The following DPP6 variants were observed in gnomAD, a reference collection of about 807,000 sequenced individuals.
DPP6 encodes the protein dipeptidyl peptidase like 6.
Under a neutral mutation model 122.6 loss-of-function variants are expected in DPP6, and 69 were observed. The ratio of observed to expected loss-of-function variants is 0.56; its 90% CI spans 0.46 to 0.69. The LOEUF is 0.69. Among genes scored for constraint, DPP6 ranks in the 30% least tolerant of loss-of-function variants. The pLI is 0.00. For missense variants in DPP6, 928 were observed against 1,116.9 expected, an observed-to-expected ratio of 0.83 and a Z score of 2.41; for synonymous variants, 418 against 433.1, an observed-to-expected ratio of 0.97 and a Z score of 0.43.
intron 1 of DPP6, among the ~76,000 whole-genome samples, chr7:154,345,873 T>C (rs1425539894): frequency 6.6e-6 from 1 of 152,242 alleles, no homozygotes; most frequent in East Asian, 1.9e-4. Context: ...CAAGCCCTGC[T>C]GCTCCCTCGT....
intron 4 of DPP6, among the ~76,000 whole-genome samples, chr7:154,556,575 TA>T (rs1250001214): frequency 6.6e-6 from 1 of 152,208 alleles, no homozygotes; most frequent in Non-Finnish European, 1.5e-5. Flanking sequence ...TAAATGTTTT[TA>T]AAAGTCTATA....
intron 1 of DPP6, among the ~76,000 whole-genome samples, chr7:154,383,859 C>T (rs942545215): frequency 2.9e-5 from 4 of 136,590 alleles, no homozygotes; most frequent in Non-Finnish European, 4.6e-5. Flanking sequence ...CACTGCACTC[C>T]AGCCTGGGTG....
At chr7:154,737,487 CTG>C (rs368803618) in intron 8 of DPP6, among the ~76,000 whole-genome samples, 11 of 152,244 alleles carry the variant, frequency 7.2e-5, no homozygotes, top group African/African-American at 2.6e-4. Context: ...TATGGTCACA[CTG>C]TTATTTTTTT....
In DPP6 at chr7:154,356,732, C is replaced by T. The variant is rs559851129; in HGVS notation, c.244-89482C>T. On this transcript the variant is annotated intron_variant, in intron 1 of 25. Coordinates refer to ENST00000377770, the MANE Select transcript of DPP6 (RefSeq NM_130797.4). Reference sequence around the variant, plus strand: ...AATAATAATTCCGGAAGTAGATATACACATTTTCCTGCAAATGTTTCTGTA... The same window carrying T: ...AATAATAATTCCGGAAGTAGATATATACATTTTCCTGCAAATGTTTCTGTA... 1.3e-5 allele frequency among the ~76,000 whole-genome samples: 2 copies of T among 152,192 alleles called. 1 individual carries two copies. The highest frequency in any genetic ancestry group is 4.1e-4 in the South Asian group (2 of 4,824).
intron 1 of DPP6, among the ~76,000 whole-genome samples, chr7:154,056,741 T>C (rs1436182875): frequency 6.6e-6 from 1 of 152,244 alleles, no homozygotes; most frequent in Admixed American, 6.5e-5. Context: ...CAACCCATTT[T>C]TTTCCTCCAC....
chr7:154,298,753 G>A (rs922019212), intron 1 of DPP6, among the ~76,000 whole-genome samples: 4 of 152,190 alleles, frequency 2.6e-5, no homozygotes, highest in Non-Finnish European at 5.9e-5. Flanking sequence ...GGCCCCGGCA[G>A]CTCTCTTGGT....
At chr7:154,316,848 G>A (rs1030838557) in intron 1 of DPP6, among the ~76,000 whole-genome samples, 4 of 152,122 alleles carry the variant, frequency 2.6e-5, no homozygotes, top group African/African-American at 4.8e-5. Flanking sequence ...ATTGTGGTAC[G>A]GGAGAAGGAG....
chr7:153,868,328 A>G, the DPP6 span, among the ~76,000 whole-genome samples: 1 of 151,956 alleles, frequency 6.6e-6, no homozygotes, highest in East Asian at 1.9e-4. Context: ...TCAATTTCAG[A>G]GCCTGTTATT....
At chr7:154,537,955 C>T (rs769825055) in intron 3 of DPP6, among the ~76,000 whole-genome samples, 3 of 151,820 alleles carry the variant, frequency 2.0e-5, no homozygotes, top group Non-Finnish European at 4.4e-5. Context: ...GCCAAGACAG[C>T]ATGGACTATT....
At chr7:154,438,835 C>A (rs941245013) in intron 1 of DPP6, among the ~76,000 whole-genome samples, 1 of 152,192 alleles carries the variant, frequency 6.6e-6, no homozygotes, top group Admixed American at 6.5e-5. Flanking sequence ...ATATTTTAAT[C>A]TCACACCACA....
intron 22 of DPP6, 40 bp downstream of exon 22, chr7:154,885,784 C>T (rs760343337): frequency 4.0e-5 from 62 of 1,546,898 alleles, no homozygotes; most frequent in Middle Eastern, 1.9e-4. Context: ...GCTCTGCTCC[C>T]GCCCCGCCCC....
intron 1 of DPP6, among the ~76,000 whole-genome samples, chr7:154,281,175 G>A (rs1182579556): frequency 6.6e-6 from 1 of 151,944 alleles, no homozygotes; most frequent in African/African-American, 2.4e-5. Context: ...ACCACGGCCA[G>A]CTAATTTTAG....
At chr7:153,899,146 C>A (rs531696010) in intron 1 of DPP6, among the ~76,000 whole-genome samples, 66 of 151,986 alleles carry the variant, frequency 4.3e-4, no homozygotes, top group African/African-American at 1.5e-3. Context: ...TTTTCTCCTT[C>A]TCTTATTTAT....
the DPP6 span, among the ~76,000 whole-genome samples, chr7:153,808,973 A>G: frequency 0.035 from 5,381 of 152,138 alleles, 120 homozygotes; most frequent in South Asian, 0.12. Flanking sequence ...GAACCTCCAT[A>G]CTACTTTCCA....
At chr7:153,899,730 G>A (rs931838814) in intron 1 of DPP6, among the ~76,000 whole-genome samples, 1 of 152,206 alleles carries the variant, frequency 6.6e-6, no homozygotes, top group Non-Finnish European at 1.5e-5. Context: ...AAAATTGAGA[G>A]CACTGAAATT....
At chr7:154,194,856 T>G (rs1224355828) in intron 1 of DPP6, among the ~76,000 whole-genome samples, 1 of 152,250 alleles carries the variant, frequency 6.6e-6, no homozygotes, top group Non-Finnish European at 1.5e-5. Flanking sequence ...CATTTAATTT[T>G]GAGAGTTTCA....
Position 154,760,482 on chromosome 7 carries a change from G to A in DPP6, c.884-8935G>A, listed in dbSNP as rs1286929876. On this transcript the variant is annotated intron_variant, in intron 8 of 25. Coordinates refer to ENST00000377770, the MANE Select transcript of DPP6 (RefSeq NM_130797.4). This position sits in a 1 kb window ranked among gnomAD's most constrained non-coding sequence, Gnocchi z 4.5. ...CGGAGGGAGCGTCAGTGTTTCAGCAGGTTGTTTCTATTCTTGTCTGCCATT... is the reference window on the plus strand; with the variant it reads ...CGGAGGGAGCGTCAGTGTTTCAGCAAGTTGTTTCTATTCTTGTCTGCCATT... Among the ~76,000 whole-genome samples the A allele has an allele frequency of 3.3e-5, 5 of 152,140 alleles. No individual in the cohort carries two copies. Among genetic ancestry groups the A allele is most frequent in the Non-Finnish European group, 4.4e-5 (3 of 68,034 alleles).
Position 154,450,958 on chromosome 7 carries a change from C to G in DPP6, c.358+4630C>G, listed in dbSNP as rs1214375654. Among the ~76,000 whole-genome samples, 5 of 152,116 alleles carry G rather than the reference C, an allele frequency of 3.3e-5. No individual in the cohort carries two copies. The East Asian group carries it at 7.7e-4, about 23-fold the overall frequency. On this transcript the variant is annotated intron_variant, in intron 2 of 25. Coordinates refer to ENST00000377770, the MANE Select transcript of DPP6 (RefSeq NM_130797.4). ...CGATCTTGTGGTTGTCTGGCACTCC[C>G]TTTGGGACTTGAAAGCAGTGGTGTC...
intron 8 of DPP6, among the ~76,000 whole-genome samples, chr7:154,744,104 C>T (rs912601788): frequency 6.6e-6 from 1 of 152,112 alleles, no homozygotes; most frequent in African/African-American, 2.4e-5. Flanking sequence ...CCCGGTGCGT[C>T]CTGTGTAATG....
Sources: gnomAD v4.1 joint callset for allele counts (sites outside exome capture counted in the v4.1 genomes callset) on GRCh38, gnomAD v4.1.1 for gene constraint, Gnocchi (gnomAD v3.1) non-coding constraint, MANE v1.5 for transcripts, NCBI Gene and HGNC (gene_info 2026-07-23, HGNC 2026-07-21) for gene names.